Variants in ARID1B observed in about 807,000 individuals in gnomAD.
The protein encoded by ARID1B is AT-rich interactive domain-containing protein 1B.
ARID1B carries 30 observed loss-of-function variants against 212.3 expected under a neutral mutation model. That is an observed-to-expected ratio of 0.14 (90% confidence interval 0.11 to 0.19). ARID1B has a LOEUF of 0.19. ARID1B is among the 10% of genes least tolerant of loss of function. The pLI, the probability that ARID1B is intolerant of heterozygous loss-of-function variation, is 1.00. For missense variants in ARID1B, 2,891 were observed against 3,204.0 expected, an observed-to-expected ratio of 0.90 and a Z score of 2.36; for synonymous variants, 1,402 against 1,301.7, an observed-to-expected ratio of 1.08 and a Z score of -1.66.
intron 1 of ARID1B, among the ~76,000 whole-genome samples, chr6:156,796,563 C>G (rs2085942585): frequency 6.6e-6 from 1 of 152,146 alleles, no homozygotes; most frequent in African/African-American, 2.4e-5. Context: ...AGTAATGTAT[C>G]ATTCATCTAG....
At chr6:157,186,048 G>C (rs1200346631) in intron 13 of ARID1B, 1 of 155,464 alleles carries the variant, frequency 6.4e-6, no homozygotes, top group Non-Finnish European at 1.4e-5. Context: ...ACCCAGTGGG[G>C]CGTAGGGACC....
chr6:157,178,722 CTT>C (rs1393680775), intron 11 of ARID1B, among the ~76,000 whole-genome samples: 1 of 152,008 alleles, frequency 6.6e-6, no homozygotes, highest in Admixed American at 6.5e-5. Flanking sequence ...GTTAATTAAA[CTT>C]AAGTTTATTT....
intron 1 of ARID1B, among the ~76,000 whole-genome samples, chr6:156,797,381 A>G (rs1780457691): frequency 1.3e-5 from 2 of 152,232 alleles, no homozygotes; most frequent in African/African-American, 4.8e-5. Context: ...ATATGCAGTA[A>G]AATCAGTTTG....
intron 1 of ARID1B, among the ~76,000 whole-genome samples, chr6:156,816,074 T>C (rs914265850): frequency 1.3e-5 from 2 of 152,242 alleles, no homozygotes; most frequent in African/African-American, 2.4e-5. Flanking sequence ...CAATAACATC[T>C]ATTCATATAC....
intron 4 of ARID1B, among the ~76,000 whole-genome samples, chr6:157,008,919 A>C (rs536770384): frequency 6.6e-6 from 1 of 152,316 alleles, no homozygotes; most frequent in East Asian, 1.9e-4. Flanking sequence ...AACTGCCTCC[A>C]GTGTTAAGAT....
At chr6:157,175,062 T>G in intron 11 of ARID1B, 57 bp downstream of exon 11, 1 of 1,255,562 alleles carries the variant, frequency 8.0e-7, no homozygotes, top group South Asian at 3.0e-5. Context: ...TGGGGTTTTT[T>G]GATAATTAAT....
intron 2 of ARID1B, among the ~76,000 whole-genome samples, chr6:156,845,765 G>T (rs190482938): frequency 6.6e-6 from 1 of 152,036 alleles, no homozygotes; most frequent in Non-Finnish European, 1.5e-5. Flanking sequence ...TTCGTTAGGG[G>T]AGGGTATTAT....
chr6:156,790,285 A>C (rs1562387303), intron 1 of ARID1B, among the ~76,000 whole-genome samples: 1 of 152,252 alleles, frequency 6.6e-6, no homozygotes, highest in Non-Finnish European at 1.5e-5. Flanking sequence ...ACTGTACCAC[A>C]GAAGTAGATA....
rs1352310511 is a variant in ARID1B at position 157,208,714 on chromosome 6, T to C, written c.*823T>C. 1.3e-5 allele frequency: 3 copies of C among 223,568 alleles called. No homozygotes were observed. Among genetic ancestry groups the C allele is most frequent in the East Asian group, 6.3e-5 (1 of 15,966 alleles). The allele number at this position is 223,568 out of a possible 1,614,324, so 13.8% of individuals were successfully genotyped here. ...TAAACATACCCTCATTTTTTTCTTT[T>C]CTTTTTTTTTTTTTTTTTTAGTACA... is the stretch of plus-strand genomic sequence containing the variant. On this transcript the variant is annotated 3_prime_UTR_variant, in exon 20 of 20. Transcript: ENST00000636930.
chr6:157,024,736 A>ACT (rs1284619475), intron 4 of ARID1B: 1 of 152,198 alleles, frequency 6.6e-6, no homozygotes, highest in African/African-American at 2.4e-5. Context: ...GCACCAGTGG[A>ACT]CTCCAGTGTT....
At chr6:157,092,753 C>T (rs928007641) in intron 5 of ARID1B, among the ~76,000 whole-genome samples, 3 of 152,158 alleles carry the variant, frequency 2.0e-5, no homozygotes, top group Non-Finnish European at 4.4e-5. Flanking sequence ...TGTCAATTTC[C>T]GTTCCCTTTC....
intron 1 of ARID1B, among the ~76,000 whole-genome samples, chr6:156,820,475 A>G (rs1420411389): frequency 6.6e-6 from 1 of 152,268 alleles, no homozygotes; most frequent in Non-Finnish European, 1.5e-5. Context: ...GAAAATATGT[A>G]GATTAAATTA....
At chr6:157,047,839 C>A (rs897895534) in intron 4 of ARID1B, among the ~76,000 whole-genome samples, 17 of 152,176 alleles carry the variant, frequency 1.1e-4, no homozygotes, top group African/African-American at 3.9e-4. Context: ...CTCTTATCCC[C>A]ACCCTCAAAC....
At chr6:156,890,351 C>T (rs1787826955) in intron 2 of ARID1B, among the ~76,000 whole-genome samples, 1 of 152,122 alleles carries the variant, frequency 6.6e-6, no homozygotes, top group African/African-American at 2.4e-5. Context: ...CGTGTGTACC[C>T]TTCTAAGTTT....
At chr6:157,002,305 TTCTCCCAAAGTTA>T (rs1390841636) in intron 4 of ARID1B, among the ~76,000 whole-genome samples, 1 of 152,238 alleles carries the variant, frequency 6.6e-6, no homozygotes, top group Non-Finnish European at 1.5e-5. Context: ...TGAAAAGAAT[TTCTCCCAAAGTTA>T]TCTTTATGTT....
chr6:156,841,186 A>G (rs552164571), intron 2 of ARID1B, among the ~76,000 whole-genome samples: 55 of 152,312 alleles, frequency 3.6e-4, no homozygotes, highest in African/African-American at 1.3e-3. Context: ...GATCACGGAA[A>G]GGGCTTTTGA....
At chr6:157,205,995 C>G (rs912944927) in intron 19 of ARID1B, 172 bp from the exon 20 acceptor site, 1 of 721,268 alleles carries the variant, frequency 1.4e-6, no homozygotes, top group African/African-American at 1.8e-5. Flanking sequence ...TCAGGAAGTT[C>G]GCTGGACCTG....
At chr6:157,194,444 A>G (rs2128349985) in intron 15 of ARID1B, 1 of 152,392 alleles carries the variant, frequency 6.6e-6, no homozygotes, top group East Asian at 1.9e-4. Flanking sequence ...TTTGCTTCAC[A>G]TAACATAAAA....
intron 2 of ARID1B, among the ~76,000 whole-genome samples, chr6:156,839,647 C>T (rs1294371853): frequency 6.6e-6 from 1 of 152,184 alleles, no homozygotes; most frequent in Admixed American, 6.5e-5. Context: ...AGAGTGATAA[C>T]TTAGTCACAT....
Sources: gnomAD v4.1 joint callset for allele counts (sites outside exome capture counted in the v4.1 genomes callset) on GRCh38, gnomAD v4.1.1 for gene constraint, MANE v1.5 for transcripts, NCBI Gene and HGNC (gene_info 2026-07-23, HGNC 2026-07-21) for gene names.